The following KCNN2 variants were observed in gnomAD, a reference collection of about 807,000 sequenced individuals.
KCNN2 encodes small conductance calcium-activated potassium channel protein 2.
A neutral mutation model predicts 55.5 loss-of-function variants in KCNN2; 24 were observed. The ratio of observed to expected loss-of-function variants is 0.43; its 90% CI spans 0.31 to 0.61. The LOEUF (loss-of-function observed/expected upper bound fraction) is 0.61. Among genes scored for constraint, KCNN2 ranks in the 20% least tolerant of loss-of-function variants. The pLI is 0.08. For missense variants in KCNN2, 754 were observed against 853.6 expected, an observed-to-expected ratio of 0.88 and a Z score of 1.45; for synonymous variants, 431 against 336.1, an observed-to-expected ratio of 1.28 and a Z score of -3.09.
At position 114,254,112 on chromosome 5, in the gene KCNN2, T is replaced by C. The variant is rs374712229; in HGVS notation, c.-185+32547T>C. Among the ~76,000 whole-genome samples, 8 of 152,316 alleles carry C rather than the reference T, an allele frequency of 5.3e-5. No individual in the cohort carries two copies. The East Asian group carries it at 1.5e-3, about 29-fold the overall frequency. On this transcript the variant is annotated intron_variant, in intron 2 of 10. Transcript: ENST00000512097. ...TTCACTGACAAAAAACATTTTGATC[T>C]GATAAAAATATTTCTGGCAAAGAAA...
intron 1 of KCNN2, among the ~76,000 whole-genome samples, chr5:114,112,162 G>A (rs1161972640): frequency 1.3e-5 from 2 of 152,182 alleles, no homozygotes; most frequent in Admixed American, 6.5e-5. Flanking sequence ...AAAAGGATGA[G>A]TTCATGTCCT....
intron 2 of KCNN2, among the ~76,000 whole-genome samples, chr5:114,288,705 T>G (rs1292397843): frequency 1.3e-5 from 2 of 152,218 alleles, no homozygotes; most frequent in Non-Finnish European, 1.5e-5. Context: ...AGTTCATTTT[T>G]TAATTGCATT....
intron 3 of KCNN2, among the ~76,000 whole-genome samples, chr5:114,454,756 G>T (rs373287962): frequency 6.6e-6 from 1 of 152,172 alleles, no homozygotes; most frequent in Non-Finnish European, 1.5e-5. Context: ...GGGCAGGTAC[G>T]TGCGTATCCA....
intron 3 of KCNN2, among the ~76,000 whole-genome samples, chr5:114,436,564 C>T (rs751749296): frequency 1.3e-5 from 2 of 152,170 alleles, no homozygotes; most frequent in African/African-American, 2.4e-5. Context: ...TGAAATTCCA[C>T]CTAGGCATAC....
chr5:114,109,466 A>G (rs1050765840), intron 1 of KCNN2, among the ~76,000 whole-genome samples: 1 of 152,102 alleles, frequency 6.6e-6, no homozygotes, highest in Admixed American at 6.6e-5. Context: ...AACAGGATGT[A>G]GGGATAATTG....
intron 1 of KCNN2, among the ~76,000 whole-genome samples, chr5:114,123,786 C>T (rs185236783): frequency 6.6e-6 from 1 of 152,264 alleles, no homozygotes; most frequent in East Asian, 1.9e-4. Context: ...TTTTATTTCT[C>T]TTACACTGTA....
At chr5:114,288,910 T>C (rs1216047241) in intron 2 of KCNN2, among the ~76,000 whole-genome samples, 2 of 152,138 alleles carry the variant, frequency 1.3e-5, no homozygotes, top group African/African-American at 4.8e-5. Context: ...GCTTTTGGTG[T>C]CCTATCTAAG....
intron 1 of KCNN2, among the ~76,000 whole-genome samples, chr5:114,190,223 C>A (rs1753423240): frequency 6.6e-6 from 1 of 152,064 alleles, no homozygotes; most frequent in Non-Finnish European, 1.5e-5. Context: ...TGTTACCCAG[C>A]CATTCTGCTT....
intron 1 of KCNN2, among the ~76,000 whole-genome samples, chr5:114,175,234 C>G (rs1420166521): frequency 6.6e-6 from 1 of 152,152 alleles, no homozygotes; most frequent in South Asian, 2.1e-4. Context: ...TATTCTCACA[C>G]ATAAAATGTT....
At chr5:114,104,627 C>A (rs906726565) in intron 1 of KCNN2, among the ~76,000 whole-genome samples, 3 of 151,972 alleles carry the variant, frequency 2.0e-5, no homozygotes, top group African/African-American at 7.2e-5. Flanking sequence ...CCTATGGAAA[C>A]TTCTCATTAT....
At chr5:114,352,041 C>T (rs374194240) in intron 2 of KCNN2, among the ~76,000 whole-genome samples, 1 of 151,634 alleles carries the variant, frequency 6.6e-6, no homozygotes, top group Admixed American at 6.6e-5. Flanking sequence ...GATTCACCAG[C>T]GAAGCCAACA....
rs1167187741 is a variant in KCNN2, at chr5:114,077,323, CA to C, written c.-271+20827del. On this transcript the variant is annotated intron_variant, in intron 1 of 10. Coordinates refer to the KCNN2 transcript ENST00000512097. ...ATAGGGAGCACACTAGGGGGAACCC[CA>C]AAACCACTCCAGCGTTACGAAGACC... 3.3e-5 allele frequency among the ~76,000 whole-genome samples: 5 copies of C among 152,308 alleles called. No homozygotes were observed. In the East Asian group the frequency reaches 5.8e-4, roughly 18 times the overall value.
intron 1 of KCNN2, among the ~76,000 whole-genome samples, chr5:114,148,762 A>T (rs1470463335): frequency 1.3e-5 from 2 of 152,028 alleles, no homozygotes; most frequent in East Asian, 1.9e-4. Flanking sequence ...GAGGGAGGGG[A>T]TCATCACCAG....
chr5:114,370,969 A>G (rs1025939149), intron 2 of KCNN2, among the ~76,000 whole-genome samples: 1 of 107,956 alleles, frequency 9.3e-6, no homozygotes, highest in Non-Finnish European at 1.8e-5. Context: ...AAGCTGATTC[A>G]TAGAGATGAT....
intron 3 of KCNN2, among the ~76,000 whole-genome samples, chr5:114,433,113 C>T (rs879305935): frequency 1.3e-5 from 2 of 152,230 alleles, no homozygotes; most frequent in Non-Finnish European, 1.5e-5. Context: ...AGCCCCTGTG[C>T]AGGATCCACT....
chr5:114,064,578 C>T lies in KCNN2; in HGVS notation c.-271+8078C>T, dbSNP rs558675838. 1.8e-4 allele frequency among the ~76,000 whole-genome samples: 27 copies of T among 152,228 alleles called. No homozygotes were observed. The South Asian group carries it at 5.2e-3, about 29-fold the overall frequency. ...GCTAAATCTAACCCGGCGAGTGACC[C>T]CAGCTAATGCTACCAAGAGCAGAAC... On this transcript the variant is annotated intron_variant, in intron 1 of 10. Coordinates refer to the KCNN2 transcript ENST00000512097.
chr5:114,188,798 A>T (rs529036808), intron 1 of KCNN2, among the ~76,000 whole-genome samples: 27 of 152,332 alleles, frequency 1.8e-4, no homozygotes, highest in Non-Finnish European at 2.9e-4. Context: ...GAAAAAATAT[A>T]AAGAAGACTA....
chr5:114,101,465 G>C (rs1162159739), intron 1 of KCNN2, among the ~76,000 whole-genome samples: 1 of 144,144 alleles, frequency 6.9e-6, no homozygotes, highest in African/African-American at 2.6e-5. Flanking sequence ...CTTAAGTTCT[G>C]GGATACATGT....
At chr5:114,346,450 C>T (rs973854366) in intron 2 of KCNN2, among the ~76,000 whole-genome samples, 1 of 152,014 alleles carries the variant, frequency 6.6e-6, no homozygotes, top group East Asian at 1.9e-4. Context: ...TATTCTGTAA[C>T]TAAGATTGAG....
Sources: gnomAD v4.1 joint callset for allele counts (sites outside exome capture counted in the v4.1 genomes callset) on GRCh38, gnomAD v4.1.1 for gene constraint, MANE v1.5 for transcripts, NCBI Gene and HGNC (gene_info 2026-07-23, HGNC 2026-07-21) for gene names.